USP10: variants seen among roughly 807,000 people sequenced by gnomAD.
USP10 encodes ubiquitin carboxyl-terminal hydrolase 10.
USP10 carries 22 observed loss-of-function variants against 84.5 expected under a neutral mutation model. The observed-to-expected ratio is 0.26, with a 90% confidence interval of 0.19 to 0.37. The LOEUF is 0.37. Among genes scored for constraint, USP10 ranks in the 10% least tolerant of loss-of-function variants. USP10 has a pLI of 1.00. For missense variants in USP10, 1,019 were observed against 998.9 expected (o/e 1.02, Z -0.27); for synonymous variants, 454 against 387.6 (o/e 1.17, Z -2.01).
At position 84,764,109 on chromosome 16, in the gene USP10, A is replaced by G; in HGVS notation, c.1678A>G (p.Lys560Glu). The G allele has an allele frequency of 6.2e-7, 1 of 1,612,998 alleles. No individual in the cohort carries two copies. Reference sequence around the variant, plus strand: ...AGAACTTACGATTTCCAACGGCCCCAAAAACCACTCGGTCAATGAAGAAGA... The same window carrying G: ...AGAACTTACGATTTCCAACGGCCCCGAAAACCACTCGGTCAATGAAGAAGA... ...NEKLTISNGP[K>E]NHSVNEEEQE... Residue 560 changes from lysine to glutamate, a missense_variant, in exon 10 of 14, where the codon AAA (lysine) becomes GAA (glutamate). Lys to Glu is a moderately conservative substitution (Grantham distance 56). Coordinates refer to ENST00000219473, the MANE Select transcript of USP10 (RefSeq NM_005153.3).
chr16:84,772,458 C>T (rs534365279), intron 11 of USP10, 83 bp from the exon 12 acceptor site: 93 of 1,577,464 alleles, frequency 5.9e-5, no homozygotes, highest in Middle Eastern at 4.6e-4. Context: ...TCTCAGAGGA[C>T]GTCTTTGAGC....
chr16:84,756,295 A>G (rs557584177), intron 4 of USP10, among the ~76,000 whole-genome samples: 94 of 152,314 alleles, frequency 6.2e-4, no homozygotes, highest in Non-Finnish European at 1.1e-3. Context: ...GCAGCATGTT[A>G]TTTAACAAAG....
At chr16:84,705,926 TAGTC>T (rs768081329) in intron 1 of USP10, among the ~76,000 whole-genome samples, 18 of 151,986 alleles carry the variant, frequency 1.2e-4, no homozygotes, top group Non-Finnish European at 2.5e-4. Flanking sequence ...TTCACCATGT[TAGTC>T]AGGCTGGTGT....
At chr16:84,739,085 G>A (rs1314325375) in intron 2 of USP10, among the ~76,000 whole-genome samples, 1 of 146,144 alleles carries the variant, frequency 6.8e-6, no homozygotes, top group Non-Finnish European at 1.5e-5. Flanking sequence ...TTGAGACAGA[G>A]TCTTGTGCTG....
At chr16:84,726,407 C>T (rs930472235) in intron 1 of USP10, among the ~76,000 whole-genome samples, 2 of 152,188 alleles carry the variant, frequency 1.3e-5, no homozygotes, top group Non-Finnish European at 2.9e-5. Flanking sequence ...TTTGTTTTTC[C>T]TTTAGCAGGA....
chr16:84,749,094 C>T (rs1911593904), intron 4 of USP10, among the ~76,000 whole-genome samples: 1 of 152,128 alleles, frequency 6.6e-6, no homozygotes, highest in South Asian at 2.1e-4. Context: ...GATAGTAGAG[C>T]AATAGAGTCA....
chr16:84,778,425 C>T (rs1451994890), intron 13 of USP10, among the ~76,000 whole-genome samples: 1 of 152,190 alleles, frequency 6.6e-6, no homozygotes, highest in Non-Finnish European at 1.5e-5. Context: ...ATAATTTACT[C>T]ATCAGTCATT....
chr16:84,728,465 G>A (rs1228268923), intron 1 of USP10, among the ~76,000 whole-genome samples: 2 of 151,438 alleles, frequency 1.3e-5, no homozygotes, highest in African/African-American at 2.4e-5. Flanking sequence ...TCAGCCTCCC[G>A]GGTAGCTGGG....
At chr16:84,703,432 A>G (rs1023595027) in intron 1 of USP10, among the ~76,000 whole-genome samples, 4 of 152,168 alleles carry the variant, frequency 2.6e-5, no homozygotes, top group Non-Finnish European at 5.9e-5. Context: ...TTAGCTTGTA[A>G]TAGCAGATCC....
intron 1 of USP10, among the ~76,000 whole-genome samples, chr16:84,706,454 T>C (rs1905518612): frequency 6.7e-6 from 1 of 150,150 alleles, no homozygotes; most frequent in African/African-American, 2.4e-5. Context: ...TTCCCTTACG[T>C]GGCTGCAAAG....
Position 84,778,915 on chromosome 16 carries a change from A to C in USP10, c.2230A>C (p.Ser744Arg). 6.2e-7 allele frequency: 1 copy of C among 1,613,726 alleles called. No homozygotes were observed. ...TCCAGTGGTCTACCATCACGGCAAC[A>C]GTGCGACGGGCGGCCATTACACTAC... is the stretch of plus-strand genomic sequence containing the variant. ...LFAVVYHHGN[S>R]ATGGHYTTDV... The change falls in exon 14 of 14, where the codon AGT (serine) becomes CGT (arginine). Residue 744 changes from serine (S) to arginine (R), a missense_variant. Ser to Arg is a moderately radical substitution (Grantham distance 110, BLOSUM62 -1). This residue lies in a region of USP10 where 232 missense variants were observed against 290.1 expected (regional missense o/e 0.80). Coordinates refer to ENST00000219473, the MANE Select transcript of USP10 (RefSeq NM_005153.3).
intron 4 of USP10, among the ~76,000 whole-genome samples, chr16:84,747,519 T>C (rs1383433635): frequency 2.0e-5 from 3 of 151,968 alleles, no homozygotes; most frequent in Admixed American, 1.3e-4. Context: ...GACGTCGTTA[T>C]TTTGGGCTTC....
chr16:84,702,496 T>C (rs1027139267), intron 1 of USP10, among the ~76,000 whole-genome samples: 7 of 152,230 alleles, frequency 4.6e-5, no homozygotes. Context: ...GGTTGCCTAC[T>C]GTCCTAAGAG....
chr16:84,754,520 G>T (rs929831599), intron 4 of USP10, among the ~76,000 whole-genome samples: 2 of 152,166 alleles, frequency 1.3e-5, no homozygotes, highest in African/African-American at 2.4e-5. Context: ...GGTTGTGCTC[G>T]TTCGCTTTTG....
At chr16:84,713,934 G>A (rs1423622141) in intron 1 of USP10, among the ~76,000 whole-genome samples, 1 of 152,256 alleles carries the variant, frequency 6.6e-6, no homozygotes, top group African/African-American at 2.4e-5. Flanking sequence ...GAGAGTTGTC[G>A]GGGCTGCAGC....
intron 1 of USP10, among the ~76,000 whole-genome samples, chr16:84,717,238 A>G (rs1055075184): frequency 2.6e-5 from 4 of 152,120 alleles, no homozygotes; most frequent in African/African-American, 9.7e-5. Flanking sequence ...AAATGTGTGT[A>G]CATGCATTCT....
At position 84,740,351 on chromosome 16, in the gene USP10, G is replaced by A; in HGVS notation, c.133G>A (p.Val45Met). Residue 45 changes from valine (V) to methionine (M), a missense_variant, in exon 3 of 14, where the codon GTG becomes ATG. By Grantham distance (21) the Val-to-Met change is conservative. Transcript: ENST00000219473. ...AACAGTTCTGTGTGGCACACAGGCTGTGGATAAACTACCTGATGGTAAGCT... is the reference window on the plus strand; with the variant it reads ...AACAGTTCTGTGTGGCACACAGGCTATGGATAAACTACCTGATGGTAAGCT... ...SGTVLCGTQAVDKLPDGQEYQ... is the reference protein window; with the variant it reads ...SGTVLCGTQAMDKLPDGQEYQ... The A allele has an allele frequency of 1.9e-6, 3 of 1,612,938 alleles. No homozygotes were observed. The highest frequency in any genetic ancestry group is 3.3e-5 in the Admixed American group (2 of 59,938).
chr16:84,762,803 C>A (rs1042016157), intron 8 of USP10, among the ~76,000 whole-genome samples, 186 bp from the exon 9 acceptor site: 2 of 152,200 alleles, frequency 1.3e-5, no homozygotes, highest in South Asian at 4.1e-4. Context: ...GTCAGTTTCT[C>A]CTTTTCCTCC....
chr16:84,774,712 G>T (rs1424421091), intron 12 of USP10, among the ~76,000 whole-genome samples: 1 of 151,998 alleles, frequency 6.6e-6, no homozygotes, highest in South Asian at 2.1e-4. Context: ...CCTCGTGATC[G>T]CCCGTCTCAG....
Sources: allele counts gnomAD v4.1 joint callset (sites outside exome capture counted in the v4.1 genomes callset), GRCh38; gene constraint gnomAD v4.1.1; regional missense constraint gnomAD v4.1.1; transcripts MANE v1.5; gene names NCBI Gene and HGNC (gene_info 2026-07-23, HGNC 2026-07-21).